The following STXBP5L variants were observed in gnomAD, a reference collection of about 807,000 sequenced individuals.
The protein encoded by STXBP5L is syntaxin binding protein 5L.
STXBP5L carries 65 observed loss-of-function variants against 144.5 expected under a neutral mutation model. The ratio of observed to expected loss-of-function variants is 0.45; its 90% CI spans 0.37 to 0.55. The LOEUF (loss-of-function observed/expected upper bound fraction) is 0.55, where lower values mean the gene tolerates loss of function less well. STXBP5L is among the 20% of genes least tolerant of loss of function. The probability of loss-of-function intolerance (pLI) is 0.00; values close to 1 mark genes in which losing one functional copy is unlikely to be tolerated. For synonymous variants in STXBP5L, 505 were observed against 469.6 expected (o/e 1.08, Z -0.97); for missense variants, 1,298 against 1,405.5 (o/e 0.92, Z 1.22).
chr3:121,093,282 C>T (rs2042922184), intron 5 of STXBP5L, among the ~76,000 whole-genome samples: 1 of 152,146 alleles, frequency 6.6e-6, no homozygotes, highest in Admixed American at 6.5e-5. Context: ...TGATGCTGGC[C>T]TCATAAAATG....
At chr3:120,984,563 A>T (rs1257206988) in intron 3 of STXBP5L, among the ~76,000 whole-genome samples, 1 of 148,074 alleles carries the variant, frequency 6.8e-6, no homozygotes, top group African/African-American at 2.5e-5. Context: ...ATGTAAGATC[A>T]TATTATCTGC....
intron 20 of STXBP5L, among the ~76,000 whole-genome samples, chr3:121,343,308 A>G (rs1331775833): frequency 6.6e-6 from 1 of 151,974 alleles, no homozygotes; most frequent in East Asian, 1.9e-4. Flanking sequence ...GTTCACTCTG[A>G]TGGTAGTTTC....
At chr3:120,965,351 G>A (rs568669242) in intron 3 of STXBP5L, among the ~76,000 whole-genome samples, 1 of 152,176 alleles carries the variant, frequency 6.6e-6, no homozygotes, top group African/African-American at 2.4e-5. Flanking sequence ...TCAGCTAATT[G>A]ATGCAGTTTC....
chr3:120,948,108 A>G (rs1287233941), intron 2 of STXBP5L, among the ~76,000 whole-genome samples: 1 of 151,812 alleles, frequency 6.6e-6, no homozygotes, highest in Non-Finnish European at 1.5e-5. Context: ...CTTTATCAAC[A>G]TGTGTTAATA....
intron 3 of STXBP5L, among the ~76,000 whole-genome samples, chr3:121,004,086 G>T (rs1477805283): frequency 6.6e-6 from 1 of 152,154 alleles, no homozygotes; most frequent in African/African-American, 2.4e-5. Context: ...ATTCTGTGAA[G>T]AAAGTCATTG....
At chr3:121,049,539 T>A (rs1947787392) in intron 5 of STXBP5L, 1 of 154,404 alleles carries the variant, frequency 6.5e-6, no homozygotes, top group African/African-American at 2.4e-5. Context: ...GGGTTGTGGA[T>A]GTGGTCTGCC....
rs751815984 is a variant in STXBP5L at position 121,419,182 on chromosome 3, G to A, written c.*85G>A. On this transcript the variant is annotated 3_prime_UTR_variant, in exon 27 of 27. Coordinates refer to ENST00000471454, the MANE Select transcript of STXBP5L (RefSeq NM_001308330.2). ...CAGCATCACTACTCAACTGCTAGAA[G>A]CCAGTTTCTTCTACAAAATGTTCCA... The A allele has an allele frequency of 1.4e-5, 18 of 1,288,486 alleles. No homozygotes were observed. The highest frequency in any genetic ancestry group is 2.2e-6 in the Non-Finnish European group (2 of 923,038). 79.8% of individuals were successfully genotyped at this position (1,288,486 alleles called of 1,614,324 possible).
At position 121,043,570 on chromosome 3, in the gene STXBP5L, G is replaced by A. The variant is rs142667162; in HGVS notation, c.369+1789G>A. 5.3e-5 allele frequency among the ~76,000 whole-genome samples: 8 copies of A among 152,236 alleles called. No individual in the cohort carries two copies. The East Asian group carries it at 1.5e-3, about 29-fold the overall frequency. On this transcript the variant is annotated intron_variant, in intron 4 of 26. Transcript: ENST00000471454. The stretch of plus-strand genomic sequence containing the variant: ...CTAAAATTACAAAAATTAGTTGGAC[G>A]TGGTTGCACACACCTGTAGTCCCAG...
chr3:121,391,288 A>C (rs1001973720), intron 22 of STXBP5L, among the ~76,000 whole-genome samples: 1 of 152,112 alleles, frequency 6.6e-6, no homozygotes, highest in Non-Finnish European at 1.5e-5. Context: ...CCATTTGTCT[A>C]ATCTTTTTTC....
At chr3:121,014,153 T>G (rs953106587) in intron 3 of STXBP5L, among the ~76,000 whole-genome samples, 5 of 152,072 alleles carry the variant, frequency 3.3e-5, no homozygotes, top group Non-Finnish European at 1.5e-5. Context: ...TTTAGAATTT[T>G]TTTTTCTAAT....
chr3:121,162,254 G>A (rs574252342), intron 9 of STXBP5L, among the ~76,000 whole-genome samples: 1 of 152,218 alleles, frequency 6.6e-6, no homozygotes, highest in Admixed American at 6.5e-5. Context: ...ATATTACTTT[G>A]TAAATTCAGT....
chr3:121,208,770 A>G (rs541418318), intron 10 of STXBP5L, among the ~76,000 whole-genome samples: 29 of 152,100 alleles, frequency 1.9e-4, no homozygotes, highest in Middle Eastern at 6.8e-3. Flanking sequence ...TTTTCACATT[A>G]TATATAGTTT....
At chr3:121,398,587 A>G (rs902979259) in intron 22 of STXBP5L, among the ~76,000 whole-genome samples, 1 of 151,982 alleles carries the variant, frequency 6.6e-6, no homozygotes, top group East Asian at 1.9e-4. Flanking sequence ...TTTTTCCCTT[A>G]TCTGGCGGCC....
chr3:121,041,874 G>A (rs994953164), intron 4 of STXBP5L, 93 bp downstream of exon 4: 12 of 811,772 alleles, frequency 1.5e-5, no homozygotes, highest in East Asian at 2.6e-5. Flanking sequence ...GATTCTAAAT[G>A]CTTAAATATA....
chr3:121,363,675 A>T (rs766113703), intron 20 of STXBP5L, among the ~76,000 whole-genome samples: 6 of 151,886 alleles, frequency 4.0e-5, no homozygotes, highest in Non-Finnish European at 8.8e-5. Context: ...CTATCTCCTT[A>T]GTGCCTCTTC....
intron 7 of STXBP5L, among the ~76,000 whole-genome samples, chr3:121,144,139 TAAAAA>T (rs3070611): frequency 7.4e-6 from 1 of 134,508 alleles, no homozygotes; most frequent in Non-Finnish European, 1.6e-5. Flanking sequence ...AACTCAATAG[TAAAAA>T]AAAAAAAAAA....
intron 10 of STXBP5L, among the ~76,000 whole-genome samples, chr3:121,212,039 TC>T (rs2048594379): frequency 6.6e-6 from 1 of 152,232 alleles, no homozygotes; most frequent in Admixed American, 6.5e-5. Flanking sequence ...TTCATATACT[TC>T]GCCAACTTTT....
intron 20 of STXBP5L, among the ~76,000 whole-genome samples, chr3:121,349,947 A>G (rs2045199487): frequency 1.3e-5 from 2 of 152,106 alleles, no homozygotes; most frequent in African/African-American, 4.8e-5. Flanking sequence ...TGGAGCATTT[A>G]GCCCATTTAC....
chr3:121,186,557 G>A (rs2047389662), intron 9 of STXBP5L, among the ~76,000 whole-genome samples: 1 of 152,064 alleles, frequency 6.6e-6, no homozygotes, highest in Admixed American at 6.6e-5. Flanking sequence ...ATAATCCTGT[G>A]GTTTTTGTCT....
Sources: allele counts gnomAD v4.1 joint callset (sites outside exome capture counted in the v4.1 genomes callset), GRCh38; gene constraint gnomAD v4.1.1; transcripts MANE v1.5; gene names NCBI Gene and HGNC (gene_info 2026-07-23, HGNC 2026-07-21).